Variants in MAMLD1 observed in about 807,000 individuals in gnomAD.
The protein encoded by MAMLD1 is mastermind like domain containing 1.
A neutral mutation model predicts 45.0 loss-of-function variants in MAMLD1; 14 were observed. The observed-to-expected ratio is 0.31, with a 90% CI of 0.21 to 0.49. The LOEUF (loss-of-function observed/expected upper bound fraction) is 0.49, where lower values mean the gene tolerates loss of function less well. Ranked by LOEUF, MAMLD1 falls within the 20% of genes least tolerant of loss-of-function variation. The pLI is 0.99. For missense variants in MAMLD1, 543 were observed against 603.6 expected, an observed-to-expected ratio of 0.90 and a Z score of 1.05; for synonymous variants, 254 against 247.8, an observed-to-expected ratio of 1.02 and a Z score of -0.24.
intron 1 of MAMLD1, among the ~76,000 whole-genome samples, chrX:150,407,593 C>T (rs2034028710): frequency 8.9e-6 from 1 of 111,828 alleles, no homozygotes; most frequent in Non-Finnish European, 1.9e-5. Flanking sequence ...CTCAGCTAAG[C>T]CAAACTGTTG....
chrX:150,469,615 C>T, intron 3 of MAMLD1, 130 bp from the exon 4 acceptor site: 1 of 507,989 alleles, frequency 2.0e-6, no homozygotes, highest in Non-Finnish European at 3.2e-6. Context: ...TCCTCTCTCT[C>T]TCTCTCTCTC....
chrX:150,477,490 G>A (rs957907570), intron 5 of MAMLD1, among the ~76,000 whole-genome samples: 2 of 111,710 alleles, frequency 1.8e-5, no homozygotes, highest in East Asian at 2.8e-4. Context: ...GCGTGCTCAC[G>A]GACAGTCCCT....
chrX:150,368,702 A>G (rs1372828611), intron 1 of MAMLD1, among the ~76,000 whole-genome samples: 2 of 112,055 alleles, frequency 1.8e-5, no homozygotes, highest in African/African-American at 3.2e-5. Flanking sequence ...TAGGTCTCAC[A>G]TTTAAGTCTT....
At chrX:150,398,323 G>T (rs2033571490) in intron 1 of MAMLD1, among the ~76,000 whole-genome samples, 1 of 91,213 alleles carries the variant, frequency 1.1e-5, no homozygotes, top group African/African-American at 4.0e-5. Context: ...AGAAGAAGAA[G>T]AAGAAGAAGA....
chrX:150,471,161 A>T lies in MAMLD1; in HGVS notation c.1588A>T (p.Ser530Cys). The T allele has an allele frequency of 8.3e-7, 1 of 1,211,934 alleles. No homozygotes were observed. Among genetic ancestry groups the T allele is most frequent in the Non-Finnish European group, 1.1e-6 (1 of 895,555 alleles). Reference protein sequence around the residue: ...MIMQQGMASSSPGATEPFTFG... With the variant: ...MIMQQGMASSCPGATEPFTFG... The stretch of plus-strand genomic sequence containing the variant: ...CATGCAGCAGGGGATGGCAAGCTCC[A>T]GCCCAGGAGCCACGGAGCCATTTAC... The change falls in exon 4 of 8, where the codon AGC (serine) becomes TGC (cysteine). Residue 530 changes from serine to cysteine, a missense_variant. Ser to Cys is a moderately radical substitution (Grantham distance 112). Coordinates refer to ENST00000370401, the MANE Select transcript of MAMLD1 (RefSeq NM_005491.5).
chrX:150,406,726 G>C (rs2034006598), intron 1 of MAMLD1, among the ~76,000 whole-genome samples: 1 of 112,024 alleles, frequency 8.9e-6, no homozygotes, highest in Non-Finnish European at 1.9e-5. Flanking sequence ...GAGCCACCCT[G>C]GTATGATTCA....
At chrX:150,462,079 G>A (rs892042908) in intron 2 of MAMLD1, among the ~76,000 whole-genome samples, 8 of 112,143 alleles carry the variant, frequency 7.1e-5, no homozygotes, top group Admixed American at 1.9e-4. Flanking sequence ...TGATGGCCAG[G>A]CAGCAATCCT....
At chrX:150,441,023 TTTAATAA>T (rs1270991398) in intron 1 of MAMLD1, among the ~76,000 whole-genome samples, 6 of 104,777 alleles carry the variant, frequency 5.7e-5, no homozygotes, top group African/African-American at 2.0e-4. Context: ...TATTTAATAA[TTTAATAA>T]TTAATAATAA....
intron 1 of MAMLD1, among the ~76,000 whole-genome samples, chrX:150,430,771 G>A (rs1035231859): frequency 3.6e-5 from 4 of 111,784 alleles, no homozygotes; most frequent in African/African-American, 9.7e-5. Flanking sequence ...TCAGTTTGGC[G>A]TATCTACGTG....
chrX:150,398,331 A>G (rs868952141), intron 1 of MAMLD1, among the ~76,000 whole-genome samples: 132 of 66,779 alleles, frequency 2.0e-3, no homozygotes, highest in African/African-American at 6.4e-3. Context: ...AAGAAGAAGA[A>G]GAAGAAGAAG....
At chrX:150,450,890 C>T (rs781834139) in intron 2 of MAMLD1, among the ~76,000 whole-genome samples, 13 of 112,961 alleles carry the variant, frequency 1.2e-4, no homozygotes, top group Non-Finnish European at 2.1e-4. Flanking sequence ...GGATCCTCCC[C>T]ATGGAGCACG....
intron 3 of MAMLD1, among the ~76,000 whole-genome samples, chrX:150,463,081 G>C (rs1557405710): frequency 1.8e-5 from 2 of 112,471 alleles, no homozygotes; most frequent in Non-Finnish European, 3.8e-5. Flanking sequence ...GGGCTTGTTA[G>C]CCAAATTTAG....
chrX:150,457,318 A>G (rs1429925488), intron 2 of MAMLD1, among the ~76,000 whole-genome samples: 3 of 111,968 alleles, frequency 2.7e-5, no homozygotes, highest in African/African-American at 6.5e-5. Context: ...CAGTCTGGAG[A>G]TCAGCTTTGG....
intron 1 of MAMLD1, among the ~76,000 whole-genome samples, chrX:150,414,959 G>T (rs1430766017): frequency 9.0e-6 from 1 of 111,466 alleles, no homozygotes; most frequent in Non-Finnish European, 1.9e-5. Flanking sequence ...AGACACCAGG[G>T]TGATGAGGAG....
chrX:150,398,337 A>AGAG (rs2033588513), intron 1 of MAMLD1, among the ~76,000 whole-genome samples: 39 of 52,031 alleles, frequency 7.5e-4, no homozygotes, highest in Non-Finnish European at 9.9e-4. Context: ...AAGAAGAAGA[A>AGAG]GAAGAGGAAG....
At chrX:150,388,484 G>A (rs2033031050) in intron 1 of MAMLD1, among the ~76,000 whole-genome samples, 1 of 111,859 alleles carries the variant, frequency 8.9e-6, no homozygotes, top group South Asian at 3.7e-4. Flanking sequence ...TCTAGGTCTG[G>A]AGATTTTTGG....
Position 150,398,316 on chromosome X carries a change from AGAAGAAGAAGAAGAAGAAGAAGAAGAG to A in MAMLD1, c.-64+34792_-64+34818del, listed in dbSNP as rs1569564580. Reference sequence around the variant, plus strand: ...AAGAAGAAGAAGAAGAAGAAGAAGAAGAAGAAGAAGAAGAAGAAGAAGAAGAGGAAGAGGAAGAGGAAGAGGAAGAGG... The same window carrying A: ...AAGAAGAAGAAGAAGAAGAAGAAGAAGAAGAGGAAGAGGAAGAGGAAGAGG... On this transcript the variant is annotated intron_variant, in intron 1 of 7. Coordinates refer to ENST00000370401, the MANE Select transcript of MAMLD1 (RefSeq NM_005491.5). Among the ~76,000 whole-genome samples, 447 of 97,825 alleles carry A rather than the reference AGAAGAAGAAGAAGAAGAAGAAGAAGAG, an allele frequency of 4.6e-3. 3 individuals carry two copies. Among genetic ancestry groups the A allele is most frequent in the Non-Finnish European group, 6.5e-3 (307 of 47,570 alleles). 84.9% of individuals were successfully genotyped at this position (97,825 alleles called of 115,157 possible).
chrX:150,511,359 A>AGAAT (rs1164375503), intron 7 of MAMLD1, among the ~76,000 whole-genome samples: 1 of 111,890 alleles, frequency 8.9e-6, no homozygotes, highest in African/African-American at 3.3e-5. Context: ...CAGGGAGTCC[A>AGAAT]GAATGTCAGC....
At chrX:150,492,498 C>T (rs1254030956) in intron 5 of MAMLD1, among the ~76,000 whole-genome samples, 2 of 112,647 alleles carry the variant, frequency 1.8e-5, no homozygotes, top group Non-Finnish European at 3.8e-5. Context: ...TCCTTCTCTT[C>T]TCTTCTCTCT....
Sources: allele counts gnomAD v4.1 joint callset (sites outside exome capture counted in the v4.1 genomes callset), GRCh38; gene constraint gnomAD v4.1.1; transcripts MANE v1.5; gene names NCBI Gene and HGNC (gene_info 2026-07-23, HGNC 2026-07-21).